NBAS: variants seen among roughly 807,000 people sequenced by gnomAD.
The protein encoded by NBAS is NBAS subunit of NRZ tethering complex.
NBAS carries 219 observed loss-of-function variants against 302.5 expected under a neutral mutation model. The observed-to-expected ratio is 0.72, with a 90% CI of 0.65 to 0.81. The LOEUF is 0.81. Among genes scored for constraint, NBAS ranks in the 30% least tolerant of loss-of-function variants. NBAS has a pLI of 0.00. For synonymous variants in NBAS, 1,118 were observed against 1,021.6 expected (o/e 1.09, Z -1.80); for missense variants, 2,932 against 2,841.6 (o/e 1.03, Z -0.72).
In NBAS at chr2:15,388,390, T is replaced by TAA. The variant is rs57526833; in HGVS notation, c.3258-5075_3258-5074dup. 2.5e-3 allele frequency among the ~76,000 whole-genome samples: 363 copies of TAA among 145,804 alleles called. 4 individuals carry two copies. The highest frequency in any genetic ancestry group is 8.7e-3 in the African/African-American group (347 of 39,980). On this transcript the variant is annotated intron_variant, in intron 28 of 51. Coordinates refer to ENST00000281513, the MANE Select transcript of NBAS (RefSeq NM_015909.4). Reference sequence around the variant, plus strand: ...CACTAGTCATGTAAGAAATGCATATTAAAAAAAAAAAGAAATGCATATTTT... The same window carrying TAA: ...CACTAGTCATGTAAGAAATGCATATTAAAAAAAAAAAAAGAAATGCATATTTT...
intron 41 of NBAS, among the ~76,000 whole-genome samples, chr2:15,290,117 G>C (rs1670241100): frequency 6.6e-6 from 1 of 150,952 alleles, no homozygotes; most frequent in Non-Finnish European, 1.5e-5. Context: ...GAGGGGAGAG[G>C]GGAGAGAGGA....
chr2:15,115,100 T>C, the NBAS span, among the ~76,000 whole-genome samples: 27 of 152,314 alleles, frequency 1.8e-4, no homozygotes, highest in South Asian at 5.4e-3. Context: ...AGGCCTGTCT[T>C]CATGAACTCT....
chr2:15,045,590 A>G, the NBAS span, among the ~76,000 whole-genome samples: 1 of 152,160 alleles, frequency 6.6e-6, no homozygotes, highest in African/African-American at 2.4e-5. Context: ...TATATACATC[A>G]CATTTTTTAA....
intron 21 of NBAS, among the ~76,000 whole-genome samples, chr2:15,432,200 A>G (rs755327248): frequency 6.6e-6 from 1 of 151,830 alleles, no homozygotes; most frequent in Non-Finnish European, 1.5e-5. Context: ...CTGCATTTAC[A>G]TATACTTTAT....
the NBAS span, among the ~76,000 whole-genome samples, chr2:15,059,880 T>C: frequency 7.2e-6 from 1 of 139,802 alleles, no homozygotes; most frequent in Non-Finnish European, 1.5e-5. Context: ...GCAAAAAGGC[T>C]AAACCACAGG....
At chr2:15,379,532 G>A in intron 30 of NBAS, 70 bp downstream of exon 30, 1 of 1,432,610 alleles carries the variant, frequency 7.0e-7, no homozygotes, top group Non-Finnish European at 9.8e-7. Flanking sequence ...GTAAAGAAAA[G>A]AATAACAATG....
chr2:15,461,083 GA>G (rs1461029853), intron 21 of NBAS, 117 bp downstream of exon 21: 12 of 984,678 alleles, frequency 1.2e-5, no homozygotes, highest in Admixed American at 2.7e-5. Context: ...TTTTTATCAG[GA>G]AAAAAGTTTA....
intron 21 of NBAS, among the ~76,000 whole-genome samples, chr2:15,447,237 G>A (rs986305719): frequency 3.9e-5 from 6 of 152,162 alleles, no homozygotes; most frequent in Non-Finnish European, 7.4e-5. Flanking sequence ...TGCCAGACTG[G>A]ATAATACAGA....
At chr2:14,859,706 A>G in the NBAS span, among the ~76,000 whole-genome samples, 3 of 152,154 alleles carry the variant, frequency 2.0e-5, no homozygotes, top group Non-Finnish European at 4.4e-5. Context: ...GAGGACTTAA[A>G]TTTCAGACAT....
intron 12 of NBAS, among the ~76,000 whole-genome samples, chr2:15,480,083 G>C (rs1180935622): frequency 2.6e-5 from 4 of 152,158 alleles, no homozygotes; most frequent in Non-Finnish European, 5.9e-5. Context: ...GCTCACGCCT[G>C]TAATCCCAGA....
chr2:14,949,954 G>A, the NBAS span, among the ~76,000 whole-genome samples: 4 of 152,174 alleles, frequency 2.6e-5, no homozygotes, highest in African/African-American at 9.7e-5. Context: ...TGGTTTGATG[G>A]AAGAAGTAAG....
At chr2:15,391,931 A>G (rs1675626228) in intron 28 of NBAS, among the ~76,000 whole-genome samples, 1 of 151,874 alleles carries the variant, frequency 6.6e-6, no homozygotes, top group South Asian at 2.1e-4. Flanking sequence ...TTATATACCA[A>G]GTGAATATAT....
intron 44 of NBAS, among the ~76,000 whole-genome samples, chr2:15,242,696 C>A (rs1667919833): frequency 6.6e-6 from 1 of 151,252 alleles, no homozygotes; most frequent in African/African-American, 2.4e-5. Flanking sequence ...TACCATTATT[C>A]TTAACATTCT....
At chr2:15,193,733 C>T (rs1432075057) in intron 48 of NBAS, among the ~76,000 whole-genome samples, 1 of 151,916 alleles carries the variant, frequency 6.6e-6, no homozygotes, top group African/African-American at 2.4e-5. Context: ...AAGTGCGAAT[C>T]CAAGATTTGT....
At chr2:15,476,907 A>T (rs1467091556) in intron 13 of NBAS, among the ~76,000 whole-genome samples, 2 of 152,244 alleles carry the variant, frequency 1.3e-5, no homozygotes, top group Non-Finnish European at 2.9e-5. Context: ...CTAAGAAGAG[A>T]GAGATTTTAA....
chr2:15,111,634 C>G, the NBAS span, among the ~76,000 whole-genome samples: 2 of 151,854 alleles, frequency 1.3e-5, no homozygotes, highest in South Asian at 2.1e-4. Context: ...AATTAATGAG[C>G]CAAAGTTGCT....
At chr2:14,823,874 A>G in the NBAS span, among the ~76,000 whole-genome samples, 1 of 152,238 alleles carries the variant, frequency 6.6e-6, no homozygotes, top group African/African-American at 2.4e-5. Context: ...TTTCCAGCAT[A>G]TCATGAAATC....
chr2:14,873,343 T>C, the NBAS span, among the ~76,000 whole-genome samples: 3 of 152,212 alleles, frequency 2.0e-5, no homozygotes, highest in African/African-American at 7.2e-5. Context: ...CTCTCACTAG[T>C]AGCTGGGATT....
intron 44 of NBAS, among the ~76,000 whole-genome samples, chr2:15,254,594 C>A (rs1668506295): frequency 6.6e-6 from 1 of 152,110 alleles, no homozygotes; most frequent in Admixed American, 6.5e-5. Context: ...GTGGCGTTTG[C>A]ATGGAAAAGT....
Sources: gnomAD v4.1 joint callset for allele counts (sites outside exome capture counted in the v4.1 genomes callset) on GRCh38, gnomAD v4.1.1 for gene constraint, MANE v1.5 for transcripts, NCBI Gene and HGNC (gene_info 2026-07-23, HGNC 2026-07-21) for gene names.